LCA5: variants seen among roughly 807,000 people sequenced by gnomAD.
LCA5 encodes the protein lebercilin LCA5.
Under a neutral mutation model 53.0 loss-of-function variants are expected in LCA5, and 37 were observed. The observed-to-expected ratio is 0.70, with a 90% CI of 0.54 to 0.92. The LOEUF (loss-of-function observed/expected upper bound fraction) is 0.92. Ranked by LOEUF, LCA5 falls within the 40% of genes least tolerant of loss-of-function variation. The probability of loss-of-function intolerance (pLI) is 0.00; values close to 1 mark genes in which losing one functional copy is unlikely to be tolerated. For synonymous variants in LCA5, 303 were observed against 282.9 expected, an observed-to-expected ratio of 1.07 and a Z score of -0.71; for missense variants, 806 against 790.5, an observed-to-expected ratio of 1.02 and a Z score of -0.23.
At chr6:79,536,407 C>T (rs1767122097) in intron 1 of LCA5, among the ~76,000 whole-genome samples, 1 of 152,096 alleles carries the variant, frequency 6.6e-6, no homozygotes, top group Non-Finnish European at 1.5e-5. Flanking sequence ...TATGTATGTG[C>T]CCAAGTATAC....
chr6:79,536,642 C>T (rs1359157521), intron 1 of LCA5, among the ~76,000 whole-genome samples: 1 of 152,162 alleles, frequency 6.6e-6, no homozygotes, highest in Non-Finnish European at 1.5e-5. Context: ...AGTATCACAG[C>T]CTGGACAAGT....
chr6:79,502,485 A>T (rs1390775387), intron 3 of LCA5, among the ~76,000 whole-genome samples: 2 of 152,160 alleles, frequency 1.3e-5, no homozygotes, highest in Admixed American at 1.3e-4. Context: ...TTGTCTTCCA[A>T]CATAGATTTT....
intron 1 of LCA5, among the ~76,000 whole-genome samples, chr6:79,527,666 AACT>A (rs1293288423): frequency 6.6e-6 from 1 of 152,160 alleles, no homozygotes; most frequent in East Asian, 1.9e-4. Flanking sequence ...TTAAAGAATA[AACT>A]ACATCTGTCC....
chr6:79,511,692 T>C (rs532112926), intron 3 of LCA5, among the ~76,000 whole-genome samples: 4 of 152,264 alleles, frequency 2.6e-5, no homozygotes, highest in African/African-American at 9.6e-5. Flanking sequence ...AGTTACACTA[T>C]ATATTTTTTA....
intron 3 of LCA5, among the ~76,000 whole-genome samples, chr6:79,508,481 AC>A (rs1462534908): frequency 1.8e-5 from 2 of 113,652 alleles, no homozygotes; most frequent in East Asian, 5.3e-4. Flanking sequence ...CACCCCCACC[AC>A]CCCCACTTAA....
At chr6:79,507,508 T>C (rs1770301507) in intron 3 of LCA5, among the ~76,000 whole-genome samples, 1 of 152,198 alleles carries the variant, frequency 6.6e-6, no homozygotes, top group African/African-American at 2.4e-5. Flanking sequence ...AAAAGTTAGC[T>C]GTACATGTGT....
chr6:79,493,095 A>G (rs1012407565), intron 4 of LCA5, among the ~76,000 whole-genome samples: 3 of 152,244 alleles, frequency 2.0e-5, no homozygotes, highest in Admixed American at 1.3e-4. Flanking sequence ...ATAAGATAAT[A>G]TATAATTTTG....
At chr6:79,493,030 T>C (rs1769885541) in intron 4 of LCA5, among the ~76,000 whole-genome samples, 1 of 152,056 alleles carries the variant, frequency 6.6e-6, no homozygotes, top group Non-Finnish European at 1.5e-5. Context: ...ACAGGCATAC[T>C]TGACCATTTT....
rs1478154811 is a variant in LCA5 at position 79,531,515 on chromosome 6, C to G, written c.-192+5650G>C. ...GAATGCTATCACCACTTCTTTCCGACCATTTCCTTTTGAACCCACACTAGT... is the reference window on the plus strand; with the variant it reads ...GAATGCTATCACCACTTCTTTCCGAGCATTTCCTTTTGAACCCACACTAGT... On this transcript the variant is annotated intron_variant, in intron 1 of 7. Coordinates refer to ENST00000369846, the MANE Select transcript of LCA5 (RefSeq NM_001122769.3). 2.0e-5 allele frequency among the ~76,000 whole-genome samples: 3 copies of G among 152,274 alleles called. No homozygotes were observed. The East Asian group carries it at 5.8e-4, about 29-fold the overall frequency.
chr6:79,511,711 T>C (rs996144103), intron 3 of LCA5, among the ~76,000 whole-genome samples: 1 of 152,138 alleles, frequency 6.6e-6, no homozygotes, highest in Admixed American at 6.6e-5. Context: ...TACAACTGCA[T>C]GTCAATTTAC....
At chr6:79,489,296 A>G in intron 6 of LCA5, 80 bp from the exon 7 acceptor site, 1 of 1,377,496 alleles carries the variant, frequency 7.3e-7, no homozygotes, top group East Asian at 2.3e-5. Context: ...TATCCATTAA[A>G]CATGATTACC....
intron 6 of LCA5, among the ~76,000 whole-genome samples, chr6:79,489,967 C>G (rs1424465445): frequency 6.6e-6 from 1 of 152,078 alleles, no homozygotes; most frequent in Admixed American, 6.6e-5. Flanking sequence ...AATGCTGCTT[C>G]CCCTCCATTT....
intron 1 of LCA5, among the ~76,000 whole-genome samples, chr6:79,530,828 A>G (rs905470968): frequency 8.5e-5 from 13 of 152,310 alleles, no homozygotes; most frequent in African/African-American, 3.1e-4. Context: ...AAATAAGCAA[A>G]CAGGCAAATA....
At chr6:79,523,369 G>T (rs912747749) in intron 1 of LCA5, among the ~76,000 whole-genome samples, 2 of 152,104 alleles carry the variant, frequency 1.3e-5, no homozygotes, top group Non-Finnish European at 2.9e-5. Flanking sequence ...GCAAGTAAGT[G>T]GCTCTAGCAC....
chr6:79,503,614 T>C (rs1433815451), intron 3 of LCA5, among the ~76,000 whole-genome samples: 3 of 152,222 alleles, frequency 2.0e-5, no homozygotes, highest in Admixed American at 6.5e-5. Context: ...TCCACTCATA[T>C]ATTAGGTGTC....
At chr6:79,488,168 G>A (rs1240668537) in intron 7 of LCA5, 1 of 281,200 alleles carries the variant, frequency 3.6e-6, no homozygotes, top group Non-Finnish European at 6.5e-6. Flanking sequence ...GGGATGGATG[G>A]ATGGATAGAT....
At chr6:79,529,278 T>C (rs1766883770) in intron 1 of LCA5, among the ~76,000 whole-genome samples, 1 of 152,160 alleles carries the variant, frequency 6.6e-6, no homozygotes, top group Non-Finnish European at 1.5e-5. Context: ...AAGGTTTAAA[T>C]AAAAATGCAA....
At chr6:79,509,475 A>T (rs763941835) in intron 3 of LCA5, among the ~76,000 whole-genome samples, 1 of 148,918 alleles carries the variant, frequency 6.7e-6, no homozygotes, top group Non-Finnish European at 1.5e-5. Flanking sequence ...AAAAAAAAGT[A>T]GGTTCATAAT....
chr6:79,531,212 T>C (rs1242948629), intron 1 of LCA5, among the ~76,000 whole-genome samples: 2 of 152,176 alleles, frequency 1.3e-5, no homozygotes, highest in Non-Finnish European at 2.9e-5. Context: ...CACCTCCACC[T>C]GTATCTATCC....
Sources: gnomAD v4.1 joint callset for allele counts (sites outside exome capture counted in the v4.1 genomes callset) on GRCh38, gnomAD v4.1.1 for gene constraint, MANE v1.5 for transcripts, NCBI Gene and HGNC (gene_info 2026-07-23, HGNC 2026-07-21) for gene names.